Variants in ASTN2 observed in about 807,000 individuals in gnomAD.
The protein encoded by ASTN2 is astrotactin-2.
A neutral mutation model predicts 139.8 loss-of-function variants in ASTN2; 54 were observed. The ratio of observed to expected loss-of-function variants is 0.39; its 90% confidence interval spans 0.31 to 0.48. ASTN2 has a LOEUF of 0.48. ASTN2 is among the 20% of genes least tolerant of loss of function. The pLI is 0.95. For missense variants in ASTN2, 1,565 were observed against 1,725.1 expected (o/e 0.91, Z 1.64); for synonymous variants, 756 against 719.5 (o/e 1.05, Z -0.81).
chr9:117,236,635 G>A (rs545731669), intron 2 of ASTN2, among the ~76,000 whole-genome samples: 51 of 152,252 alleles, frequency 3.3e-4, no homozygotes, highest in African/African-American at 1.2e-3. Context: ...GCTCAGTAAT[G>A]AATGGATGGA....
intron 16 of ASTN2, among the ~76,000 whole-genome samples, chr9:116,689,059 A>C (rs1418776384): frequency 1.3e-5 from 2 of 152,084 alleles, no homozygotes; most frequent in Non-Finnish European, 2.9e-5. Context: ...TTAAACATTA[A>C]ACATAATGTT....
chr9:117,112,308 A>G (rs1829270633), intron 4 of ASTN2, among the ~76,000 whole-genome samples: 2 of 152,080 alleles, frequency 1.3e-5, no homozygotes, highest in African/African-American at 4.8e-5. Context: ...AATTTATATG[A>G]AAGTGCAAGT....
chr9:116,925,908 A>G (rs1478987547), intron 10 of ASTN2, among the ~76,000 whole-genome samples: 3 of 151,982 alleles, frequency 2.0e-5, no homozygotes, highest in Non-Finnish European at 4.4e-5. Context: ...ACATGCACAC[A>G]TGCACATAGG....
chr9:116,615,874 TA>T (rs1321093425), intron 19 of ASTN2, among the ~76,000 whole-genome samples: 8 of 151,400 alleles, frequency 5.3e-5, no homozygotes, highest in Non-Finnish European at 8.8e-5. Context: ...TAAAGTATAA[TA>T]AAAAAAATAA....
intron 11 of ASTN2, among the ~76,000 whole-genome samples, chr9:116,841,685 G>A (rs1332198268): frequency 6.6e-6 from 1 of 152,166 alleles, no homozygotes; most frequent in African/African-American, 2.4e-5. Context: ...GCTGTTCTGA[G>A]TCTCAGTTTC....
intron 16 of ASTN2, among the ~76,000 whole-genome samples, chr9:116,681,735 T>A (rs533047519): frequency 6.6e-6 from 1 of 152,174 alleles, no homozygotes; most frequent in South Asian, 2.1e-4. Context: ...TCTACAACTA[T>A]CTGATCTTTG....
intron 1 of ASTN2, among the ~76,000 whole-genome samples, chr9:117,401,378 G>C (rs1304501166): frequency 6.6e-6 from 1 of 152,096 alleles, no homozygotes; most frequent in East Asian, 1.9e-4. Flanking sequence ...CTTTGGTCCG[G>C]GAAGACTACT....
At chr9:117,387,772 G>A (rs1416943) in intron 1 of ASTN2, among the ~76,000 whole-genome samples, 112,840 of 152,046 alleles carry the variant, frequency 0.74, 42,096 homozygotes, top group East Asian at 0.83. Flanking sequence ...ACTTCTGGAC[G>A]TGGGTTGTGG....
chr9:116,870,314 G>T (rs1833128480), intron 10 of ASTN2, among the ~76,000 whole-genome samples: 2 of 152,042 alleles, frequency 1.3e-5, no homozygotes, highest in South Asian at 4.2e-4. Flanking sequence ...CTGTAAAATG[G>T]GAACAATATC....
chr9:117,029,885 T>C (rs1048365934), intron 6 of ASTN2, among the ~76,000 whole-genome samples: 12 of 152,118 alleles, frequency 7.9e-5, no homozygotes, highest in African/African-American at 2.7e-4. Context: ...TTTATACATA[T>C]TAAAGCTGCA....
intron 11 of ASTN2, among the ~76,000 whole-genome samples, chr9:116,826,177 C>T (rs1291156046): frequency 3.3e-5 from 5 of 152,200 alleles, no homozygotes; most frequent in African/African-American, 1.2e-4. Flanking sequence ...GCAGCTGCCA[C>T]CCAGTCAAGG....
At chr9:117,127,194 G>C (rs1375140023) in intron 4 of ASTN2, among the ~76,000 whole-genome samples, 1 of 152,154 alleles carries the variant, frequency 6.6e-6, no homozygotes, top group Non-Finnish European at 1.5e-5. Flanking sequence ...GAATTCTCTA[G>C]ATCTTGTGGA....
Position 116,717,175 on chromosome 9 carries a change from A to G in ASTN2, c.2806+8596T>C, listed in dbSNP as rs182021997. On this transcript the variant is annotated intron_variant, in intron 16 of 22. Transcript: ENST00000313400. ...AACTGGATGAAATAATGTATGTGAA[A>G]GTGCTTTGTGTGATGCACTGCACTG... Among the ~76,000 whole-genome samples the G allele has an allele frequency of 1.6e-4, 25 of 152,348 alleles. No homozygotes were observed. The East Asian group carries it at 3.9e-3, about 24-fold the overall frequency.
intron 3 of ASTN2, among the ~76,000 whole-genome samples, chr9:117,147,540 T>C (rs937706664): frequency 6.6e-6 from 1 of 151,824 alleles, no homozygotes; most frequent in African/African-American, 2.4e-5. Context: ...TGGGTTTGAG[T>C]TGAAGTTCCA....
At chr9:117,106,276 G>C (rs2132775314) in intron 4 of ASTN2, among the ~76,000 whole-genome samples, 1 of 151,914 alleles carries the variant, frequency 6.6e-6, no homozygotes, top group Non-Finnish European at 1.5e-5. Context: ...ACCCAGGCTG[G>C]AGTGCAGTAG....
chr9:117,345,607 T>C (rs866503059), intron 1 of ASTN2, among the ~76,000 whole-genome samples: 24 of 152,192 alleles, frequency 1.6e-4, no homozygotes, highest in South Asian at 8.3e-4. Context: ...TCAAGCAAAT[T>C]GAAACTAAAC....
chr9:116,814,842 C>CTCA, intron 12 of ASTN2, among the ~76,000 whole-genome samples: 1 of 152,182 alleles, frequency 6.6e-6, no homozygotes, highest in Admixed American at 6.5e-5. Flanking sequence ...ACAATCCACA[C>CTCA]TGGAAAATAG....
At chr9:117,355,913 T>C (rs1023561690) in intron 1 of ASTN2, among the ~76,000 whole-genome samples, 1 of 152,002 alleles carries the variant, frequency 6.6e-6, no homozygotes, top group African/African-American at 2.4e-5. Flanking sequence ...TAATGAAAAA[T>C]GTTTCCCCCA....
intron 4 of ASTN2, among the ~76,000 whole-genome samples, chr9:117,132,764 C>T (rs1829856039): frequency 6.6e-6 from 1 of 152,076 alleles, no homozygotes; most frequent in Admixed American, 6.5e-5. Context: ...GACCTGAGGT[C>T]AACAGACAGA....
Sources: allele counts gnomAD v4.1 joint callset (sites outside exome capture counted in the v4.1 genomes callset), GRCh38; gene constraint gnomAD v4.1.1; transcripts MANE v1.5; gene names NCBI Gene and HGNC (gene_info 2026-07-23, HGNC 2026-07-21).